The following DLGAP4 variants were observed in gnomAD, a reference collection of about 807,000 sequenced individuals.
The protein encoded by DLGAP4 is DLG associated protein 4.
DLGAP4 carries 18 observed loss-of-function variants against 86.9 expected under a neutral mutation model. That is an observed-to-expected ratio of 0.21 (90% CI 0.14 to 0.31). The LOEUF (loss-of-function observed/expected upper bound fraction) is 0.31. Among genes scored for constraint, DLGAP4 ranks in the 10% least tolerant of loss-of-function variants. The pLI, the probability that DLGAP4 is intolerant of heterozygous loss-of-function variation, is 1.00. For synonymous variants in DLGAP4, 548 were observed against 574.3 expected (o/e 0.95, Z 0.65); for missense variants, 1,085 against 1,362.6 (o/e 0.80, Z 3.21).
chr20:36,424,646 G>A (rs911042167), intron 2 of DLGAP4, among the ~76,000 whole-genome samples: 23 of 152,180 alleles, frequency 1.5e-4, no homozygotes, highest in South Asian at 4.2e-4. Context: ...CTCCAGAGCC[G>A]TTCTCATTCC....
intron 7 of DLGAP4, among the ~76,000 whole-genome samples, chr20:36,484,188 G>T (rs1362338775): frequency 6.6e-6 from 1 of 152,154 alleles, no homozygotes; most frequent in African/African-American, 2.4e-5. Flanking sequence ...GGTAGGCCTG[G>T]TGAAGAGTTG....
At chr20:36,389,891 AC>A (rs1455309301) in intron 2 of DLGAP4, among the ~76,000 whole-genome samples, 2 of 152,196 alleles carry the variant, frequency 1.3e-5, no homozygotes, top group Non-Finnish European at 2.9e-5. Flanking sequence ...TACAGTAACA[AC>A]AGGGGCTGCT....
intron 2 of DLGAP4, among the ~76,000 whole-genome samples, chr20:36,375,551 T>C (rs1398071267): frequency 6.6e-6 from 1 of 152,116 alleles, no homozygotes; most frequent in Non-Finnish European, 1.5e-5. Flanking sequence ...AATTCTCAAT[T>C]CAGCCCAGGA....
chr20:36,387,596 G>A (rs1458942537), intron 2 of DLGAP4, among the ~76,000 whole-genome samples: 1 of 152,082 alleles, frequency 6.6e-6, no homozygotes, highest in African/African-American at 2.4e-5. Flanking sequence ...GATAATTCTA[G>A]ATCTCTTCTA....
At chr20:36,453,307 T>C (rs1164675110) in intron 7 of DLGAP4, among the ~76,000 whole-genome samples, 1 of 152,150 alleles carries the variant, frequency 6.6e-6, no homozygotes, top group South Asian at 2.1e-4. Context: ...AATTTTTTTT[T>C]AGTTAGCCAC....
chr20:36,343,619 AC>A (rs148277970), intron 1 of DLGAP4, among the ~76,000 whole-genome samples: 4,739 of 149,044 alleles, frequency 0.032, 229 homozygotes, highest in African/African-American at 0.1. Flanking sequence ...GCTACCAGGT[AC>A]CCCCCCCCAA....
chr20:36,459,261 C>T (rs2033960823), intron 7 of DLGAP4, among the ~76,000 whole-genome samples: 1 of 152,204 alleles, frequency 6.6e-6, no homozygotes, highest in South Asian at 2.1e-4. Context: ...GACCCTAAAG[C>T]ATCACCATCA....
At chr20:36,422,249 C>T (rs1390511811) in intron 2 of DLGAP4, among the ~76,000 whole-genome samples, 3 of 152,154 alleles carry the variant, frequency 2.0e-5, no homozygotes, top group Non-Finnish European at 4.4e-5. Flanking sequence ...CCAGAATGTT[C>T]GGCCATTCCA....
chr20:36,323,782 G>A (rs1427328607), intron 1 of DLGAP4, among the ~76,000 whole-genome samples: 1 of 152,214 alleles, frequency 6.6e-6, no homozygotes, highest in Non-Finnish European at 1.5e-5. Flanking sequence ...ATTCCCATAA[G>A]GGGCATGTAA....
intron 1 of DLGAP4, among the ~76,000 whole-genome samples, chr20:36,347,315 T>C (rs1286982914): frequency 6.6e-6 from 1 of 151,962 alleles, no homozygotes; most frequent in Non-Finnish European, 1.5e-5. Context: ...TATTGGGGCT[T>C]AGAGGGAGGA....
At chr20:36,353,056 ACT>A (rs1232615223) in intron 1 of DLGAP4, among the ~76,000 whole-genome samples, 1 of 151,690 alleles carries the variant, frequency 6.6e-6, no homozygotes, top group Non-Finnish European at 1.5e-5. Flanking sequence ...TGATTCCTTG[ACT>A]CTGGTGAATC....
chr20:36,457,562 G>A (rs914512284), intron 7 of DLGAP4, among the ~76,000 whole-genome samples: 2 of 151,938 alleles, frequency 1.3e-5, no homozygotes, highest in African/African-American at 2.4e-5. Flanking sequence ...TGTATTTTTA[G>A]TAGAGACGGG....
chr20:36,374,866 T>G (rs2031091022), intron 2 of DLGAP4, among the ~76,000 whole-genome samples: 1 of 152,236 alleles, frequency 6.6e-6, no homozygotes. Context: ...CCAAATGACC[T>G]GCTGGGAGGG....
At chr20:36,436,406 CGA>C (rs1428922266) in intron 4 of DLGAP4, 56 bp downstream of exon 4, 1 of 1,510,050 alleles carries the variant, frequency 6.6e-7, no homozygotes, top group Non-Finnish European at 8.8e-7. Context: ...CCGCCCACTA[CGA>C]GTCTTGCTCC....
chr20:36,476,687 A>ATTTT (rs74173983), intron 7 of DLGAP4, among the ~76,000 whole-genome samples: 3 of 91,536 alleles, frequency 3.3e-5, no homozygotes, highest in Admixed American at 1.7e-4. Context: ...CACTAGCCCA[A>ATTTT]TTTTTTTTTT....
chr20:36,418,415 T>G (rs1328373083), intron 2 of DLGAP4, among the ~76,000 whole-genome samples: 1 of 152,034 alleles, frequency 6.6e-6, no homozygotes, highest in Non-Finnish European at 1.5e-5. Context: ...GCCTGGCCCA[T>G]TTGGGGTTTT....
chr20:36,409,551 C>CA, intron 2 of DLGAP4, among the ~76,000 whole-genome samples: 1 of 150,696 alleles, frequency 6.6e-6, no homozygotes, highest in Non-Finnish European at 1.5e-5. Context: ...CCCATCTCTA[C>CA]AAAAAATACA....
In DLGAP4 at chr20:36,500,063, C is replaced by G. The variant is rs1264414659; in HGVS notation, c.2100-136C>G. 1 of 1,079,896 alleles carries G rather than the reference C, an allele frequency of 9.3e-7. No homozygotes were observed. Among genetic ancestry groups the G allele is most frequent in the East Asian group, 2.6e-5 (1 of 38,740 alleles). 66.9% of individuals were successfully genotyped at this position (1,079,896 alleles called of 1,614,324 possible). A position where few individuals can be genotyped will look rare whatever the true frequency, so the allele number is the denominator to read the frequency against. ...AATGAGATGGGGGCTGTGGGACCCGCTTCAGGCGCATGGTGAGCAGATGAT... is the reference window on the plus strand; with the variant it reads ...AATGAGATGGGGGCTGTGGGACCCGGTTCAGGCGCATGGTGAGCAGATGAT... On this transcript the variant is annotated intron_variant, in intron 9 of 12. Transcript: ENST00000339266. The surrounding 1 kb of genome is among the most constrained non-coding windows in gnomAD (Gnocchi z 4.6).
At chr20:36,511,237 C>CT (rs1017932301) in intron 10 of DLGAP4, among the ~76,000 whole-genome samples, 2 of 152,192 alleles carry the variant, frequency 1.3e-5, no homozygotes, top group Admixed American at 6.5e-5. Context: ...AGGTCTCACT[C>CT]TGTCACTGAG....
Sources: allele counts gnomAD v4.1 joint callset (sites outside exome capture counted in the v4.1 genomes callset), GRCh38; gene constraint gnomAD v4.1.1; non-coding constraint Gnocchi (gnomAD v3.1); transcripts MANE v1.5; gene names NCBI Gene and HGNC (gene_info 2026-07-23, HGNC 2026-07-21).